Variants in GRK5 observed in about 807,000 individuals in gnomAD.
The protein encoded by GRK5 is G protein-coupled receptor kinase 5, also known as g protein-coupled receptor kinase GRK5.
GRK5 carries 40 observed loss-of-function variants against 78.4 expected under a neutral mutation model. The observed-to-expected ratio is 0.51, with a 90% CI of 0.40 to 0.66. The LOEUF is 0.66. Among genes scored for constraint, GRK5 ranks in the 30% least tolerant of loss-of-function variants. The pLI is 0.00. For missense variants in GRK5, 598 were observed against 759.9 expected (o/e 0.79, Z 2.50); for synonymous variants, 289 against 296.8 (o/e 0.97, Z 0.27).
At chr10:119,310,449 T>C (rs1189414844) in intron 1 of GRK5, among the ~76,000 whole-genome samples, 1 of 152,172 alleles carries the variant, frequency 6.6e-6, no homozygotes, top group East Asian at 1.9e-4. Context: ...ATTACTCTTG[T>C]AGTGAAAAGT....
At chr10:119,392,592 C>CG (rs1290652774) in intron 3 of GRK5, among the ~76,000 whole-genome samples, 6 of 152,066 alleles carry the variant, frequency 3.9e-5, no homozygotes, top group Non-Finnish European at 7.4e-5. Flanking sequence ...TTAGTGGAGA[C>CG]GGGGTTTCAC....
chr10:119,451,375 T>A (rs970321995), intron 13 of GRK5, among the ~76,000 whole-genome samples: 1 of 152,120 alleles, frequency 6.6e-6, no homozygotes, highest in African/African-American at 2.4e-5. Flanking sequence ...CGCTCATTTC[T>A]TAACATTCCT....
intron 1 of GRK5, among the ~76,000 whole-genome samples, chr10:119,278,183 C>T (rs1849699246): frequency 6.6e-6 from 1 of 152,168 alleles, no homozygotes; most frequent in South Asian, 2.1e-4. Flanking sequence ...TTCCCCAATT[C>T]TCCTGTGGCC....
intron 1 of GRK5, among the ~76,000 whole-genome samples, chr10:119,218,899 C>CTT (rs59377653): frequency 2.9e-4 from 41 of 142,294 alleles, no homozygotes; most frequent in African/African-American, 5.1e-4. Context: ...AAATCTGAAA[C>CTT]TTTTTTTTTT....
chr10:119,348,528 G>A (rs1389571714), intron 2 of GRK5, among the ~76,000 whole-genome samples: 1 of 152,230 alleles, frequency 6.6e-6, no homozygotes, highest in Non-Finnish European at 1.5e-5. Context: ...TGTAGACCTT[G>A]AGGAATGAGA....
At position 119,430,926 on chromosome 10, in the gene GRK5, G is replaced by A. The variant is rs550894295; in HGVS notation, c.598-461G>A. On this transcript the variant is annotated intron_variant, in intron 7 of 15. Transcript: ENST00000392870. This position sits in a 1 kb window ranked among gnomAD's most constrained non-coding sequence, Gnocchi z 4.5. Reference sequence around the variant, plus strand: ...GGTTAGGTGACCCAGCCAAGGGCGCGCAGACAATGTGAGGCAGAGCTAAGA... The same window carrying A: ...GGTTAGGTGACCCAGCCAAGGGCGCACAGACAATGTGAGGCAGAGCTAAGA... 1.4e-4 allele frequency among the ~76,000 whole-genome samples: 21 copies of A among 152,308 alleles called. No homozygotes were observed. Among genetic ancestry groups the A allele is most frequent in the African/African-American group, 4.1e-4 (17 of 41,570 alleles).
rs548766751 is a variant in GRK5 at position 119,405,241 on chromosome 10, C to T, written c.339+8469C>T. ...GCAGGCTTCTGGGGAACTGGTATGG[C>T]GTCCTTCTGTGGGGTACTGGGAAGG... On this transcript the variant is annotated intron_variant, in intron 4 of 15. Transcript: ENST00000392870. Among the ~76,000 whole-genome samples, 506 of 152,158 alleles carry T rather than the reference C, an allele frequency of 3.3e-3. 1 individual carries two copies. Among genetic ancestry groups the T allele is most frequent in the African/African-American group, 0.011 (473 of 41,516 alleles).
chr10:119,426,258 G>A (rs1026888536), intron 6 of GRK5, among the ~76,000 whole-genome samples: 1 of 152,256 alleles, frequency 6.6e-6, no homozygotes, highest in Admixed American at 6.5e-5. Context: ...CCTTGGCTCT[G>A]CGGCCATGGA....
intron 1 of GRK5, among the ~76,000 whole-genome samples, chr10:119,322,197 C>G (rs1224352401): frequency 6.6e-6 from 1 of 152,186 alleles, no homozygotes; most frequent in African/African-American, 2.4e-5. Flanking sequence ...AAGCAATCCC[C>G]CCATCTTGGC....
intron 3 of GRK5, among the ~76,000 whole-genome samples, chr10:119,389,205 C>G (rs901020375): frequency 2.6e-5 from 4 of 152,204 alleles, no homozygotes; most frequent in African/African-American, 4.8e-5. Flanking sequence ...AGCCTAGACT[C>G]TAGGTGATGA....
Position 119,431,594 on chromosome 10 carries a change from A to G in GRK5, c.738+67A>G. ...TGGACTGGGGCTTCCCTCCCTCCGG[A>G]AGGGCGTGGTCCTCTAATGCGGCCG... On this transcript the variant is annotated intron_variant, in intron 8 of 15. Transcript: ENST00000392870. This position sits in a 1 kb window ranked among gnomAD's most constrained non-coding sequence, Gnocchi z 4.8. The G allele has an allele frequency of 6.4e-7, 1 of 1,561,100 alleles. No homozygotes were observed. The highest frequency in any genetic ancestry group is 8.7e-7 in the Non-Finnish European group (1 of 1,148,720).
chr10:119,307,559 A>G (rs1036089336), intron 1 of GRK5, among the ~76,000 whole-genome samples: 1 of 152,100 alleles, frequency 6.6e-6, no homozygotes, highest in East Asian at 1.9e-4. Context: ...CAAGGAATAG[A>G]GGTGGCCTGT....
At position 119,423,355 on chromosome 10, in the gene GRK5, G is replaced by A. The variant is rs1589801832; in HGVS notation, c.440+89G>A. The A allele has an allele frequency of 2.4e-5, 21 of 869,572 alleles. No individual in the cohort carries two copies. In the East Asian group the frequency reaches 4.7e-4, roughly 19 times the overall value. The allele number at this position is 869,572 out of a possible 1,614,324, so 53.9% of individuals were successfully genotyped here. On this transcript the variant is annotated intron_variant, in intron 5 of 15. Transcript: ENST00000392870. ...TCCACCTGACCATACAGGGCACTGA[G>A]GCAGGTCTTCCATGCCTGACAGCTT...
chr10:119,249,337 T>C (rs905523970), intron 1 of GRK5, among the ~76,000 whole-genome samples: 11 of 152,280 alleles, frequency 7.2e-5, no homozygotes, highest in African/African-American at 2.4e-4. Context: ...GTGAAGTGAC[T>C]TAATATATAT....
At chr10:119,446,923 C>G (rs1401659136) in intron 12 of GRK5, among the ~76,000 whole-genome samples, 1 of 152,226 alleles carries the variant, frequency 6.6e-6, no homozygotes, top group African/African-American at 2.4e-5. Context: ...ATGAGCAAAG[C>G]GCACAGGGCA....
intron 4 of GRK5, among the ~76,000 whole-genome samples, chr10:119,407,713 T>C (rs1272875709): frequency 6.6e-6 from 1 of 152,206 alleles, no homozygotes; most frequent in East Asian, 1.9e-4. Context: ...TAGCTCATAA[T>C]GGTAAAACAG....
chr10:119,361,604 G>A (rs2133810182), intron 2 of GRK5, among the ~76,000 whole-genome samples: 2 of 152,302 alleles, frequency 1.3e-5, no homozygotes, highest in South Asian at 2.1e-4. Flanking sequence ...GAGGAGACGT[G>A]AGAGGAATCC....
intron 2 of GRK5, among the ~76,000 whole-genome samples, chr10:119,367,704 A>G (rs1243493171): frequency 3.3e-5 from 5 of 152,240 alleles, no homozygotes; most frequent in Non-Finnish European, 7.3e-5. Context: ...GTTGATAAAG[A>G]GTATTGGATG....
intron 4 of GRK5, among the ~76,000 whole-genome samples, chr10:119,405,173 G>GCCCA (rs1227837276): frequency 6.6e-6 from 1 of 152,136 alleles, no homozygotes; most frequent in African/African-American, 2.4e-5. Flanking sequence ...GAAAGGGCCT[G>GCCCA]CGTGGGTTCT....
Sources: gnomAD v4.1 joint callset for allele counts (sites outside exome capture counted in the v4.1 genomes callset) on GRCh38, gnomAD v4.1.1 for gene constraint, Gnocchi (gnomAD v3.1) non-coding constraint, MANE v1.5 for transcripts, NCBI Gene and HGNC (gene_info 2026-07-23, HGNC 2026-07-21) for gene names.